Variants in NBPF20 observed in about 807,000 individuals in gnomAD.
NBPF20 encodes NBPF member 20.
NBPF20 carries 90 observed loss-of-function variants against 68.1 expected under a neutral mutation model. The ratio of observed to expected loss-of-function variants is 1.32; its 90% CI spans 1.11 to 1.58. The LOEUF is 1.58. NBPF20 is among the 40% of genes most tolerant of loss of function. NBPF20 has a pLI of 0.00. For missense variants in NBPF20, 816 were observed against 601.2 expected, an observed-to-expected ratio of 1.36 and a Z score of -3.74; for synonymous variants, 290 against 228.1, an observed-to-expected ratio of 1.27 and a Z score of -2.45.
chr1:145,403,069 T>C (rs1306934079), intron 3 of NBPF20, 147 bp downstream of exon 8: 6 of 894,292 alleles, frequency 6.7e-6, no homozygotes, highest in Non-Finnish European at 1.1e-5. Flanking sequence ...CTTCTCTGTT[T>C]GATAAATATT....
At chr1:145,393,671 G>C (rs1571360619) in intron 9 of NBPF20, 5 of 1,349,600 alleles carry the variant, frequency 3.7e-6, no homozygotes, top group Non-Finnish European at 5.0e-6. Flanking sequence ...TTTGAGTTAT[G>C]GTCAACTTTC....
chr1:145,400,176 G>C (rs1484061198), intron 6 of NBPF20, among the ~76,000 whole-genome samples: 1 of 152,212 alleles, frequency 6.6e-6, no homozygotes, highest in African/African-American at 2.4e-5. Context: ...CTATGAGATT[G>C]TCACACTTGC....
Position 145,392,790 on chromosome 1 carries a change from T to G in NBPF20, c.1216+284A>C, listed in dbSNP as rs1339237312. 6.5e-5 allele frequency among the ~76,000 whole-genome samples: 6 copies of G among 92,508 alleles called. 1 individual carries two copies. The highest frequency in any genetic ancestry group is 1.1e-4 in the Non-Finnish European group (6 of 52,346). The allele number at this position is 92,508 out of a possible 152,430, so 60.7% of individuals were successfully genotyped here. On this transcript the variant is annotated intron_variant, in intron 10 of 137. Coordinates refer to ENST00000369373, the Ensembl canonical transcript of NBPF20. ...CAAGATCTACAAAATTGAGACAAAA[T>G]CAGAGTTGTGTGAATTTGTCACATC... is the stretch of plus-strand genomic sequence containing the variant.
At chr1:145,409,768 T>A (rs1387934525), upstream of NBPF20, among the ~76,000 whole-genome samples, 33 of 151,866 alleles carry the variant, frequency 2.2e-4, no homozygotes, top group African/African-American at 7.5e-4. Context: ...ACTTATAGAT[T>A]AAAAGAAGTT....
chr1:145,405,773 A>C (rs1288612158), upstream of NBPF20: 1 of 386,966 alleles, frequency 2.6e-6, no homozygotes, highest in East Asian at 4.7e-5. Flanking sequence ...CAATACATCT[A>C]AGCATATTCC....
At chr1:145,292,260 T>C (rs1443200393) in intron 137 of NBPF20, 121 bp downstream of exon 142, 2 of 618,646 alleles carry the variant, frequency 3.2e-6, no homozygotes, top group East Asian at 5.4e-5. Flanking sequence ...CCAACAGCAA[T>C]GACAGTAGGA....
intron 43 of NBPF20, among the ~76,000 whole-genome samples, chr1:145,366,607 C>CAG (rs1296300955): frequency 4.7e-5 from 4 of 84,724 alleles, no homozygotes; most frequent in African/African-American, 5.3e-5. Flanking sequence ...CACACACACA[C>CAG]AGAGAGAACG....
At chr1:145,422,753 C>T in the NBPF20 span, among the ~76,000 whole-genome samples, 1 of 152,070 alleles carries the variant, frequency 6.6e-6, no homozygotes, top group African/African-American at 2.4e-5. Flanking sequence ...CTCTGGGAGG[C>T]TTAAGTGGGA....
exon 2 of NBPF20, chr1:145,405,133 A>T: frequency 6.2e-7 from 1 of 1,613,772 alleles, no homozygotes; most frequent in Non-Finnish European, 8.5e-7. Flanking sequence ...GAAGCCGGCC[A>T]GTTGAGTTAC....
the NBPF20 span, among the ~76,000 whole-genome samples, chr1:145,415,198 TATACAGAAACATCTCA>T: frequency 2.0e-5 from 3 of 151,592 alleles, no homozygotes; most frequent in African/African-American, 7.3e-5. Flanking sequence ...TTGATGTGCA[TATACAGAAACATCTCA>T]ATGCCTTAAA....
chr1:145,422,250 T>C, the NBPF20 span, among the ~76,000 whole-genome samples: 38 of 151,556 alleles, frequency 2.5e-4, no homozygotes, highest in African/African-American at 8.9e-4. Flanking sequence ...AAAAGATAAA[T>C]AAATAAAGAG....
At chr1:145,421,277 G>A in the NBPF20 span, among the ~76,000 whole-genome samples, 1 of 152,156 alleles carries the variant, frequency 6.6e-6, no homozygotes, top group African/African-American at 2.4e-5. Context: ...GGTCTATCTG[G>A]TCTATCTGTA....
intron 4 of NBPF20, among the ~76,000 whole-genome samples, chr1:145,401,758 C>G (rs1467911516): frequency 2.9e-3 from 329 of 113,290 alleles, no homozygotes; most frequent in East Asian, 0.011. Flanking sequence ...GACAATTTGT[C>G]TGCCACGGAG....
intron 6 of NBPF20, among the ~76,000 whole-genome samples, chr1:145,400,172 G>C (rs1203152330): frequency 6.6e-6 from 1 of 152,210 alleles, no homozygotes; most frequent in Non-Finnish European, 1.5e-5. Context: ...GTGACTATGA[G>C]ATTGTCACAC....
chr1:145,397,424 G>T (rs1487183635), intron 7 of NBPF20, among the ~76,000 whole-genome samples: 4 of 152,044 alleles, frequency 2.6e-5, no homozygotes, highest in Admixed American at 2.6e-4. Flanking sequence ...ATCCTCTCCA[G>T]CATCTTCAAC....
At chr1:145,413,391 T>A in the NBPF20 span, among the ~76,000 whole-genome samples, 1 of 150,914 alleles carries the variant, frequency 6.6e-6, no homozygotes, top group Non-Finnish European at 1.5e-5. Context: ...TTATTCATAA[T>A]AGGAAAAACT....
At chr1:145,393,699 T>G (rs1299624217) in intron 9 of NBPF20, 185 bp downstream of exon 14, 106 of 1,454,920 alleles carry the variant, frequency 7.3e-5, no homozygotes, top group Middle Eastern at 2.4e-4. Context: ...TAGTAAATGA[T>G]AAGGGTAGGA....
rs1203415255 is a variant in NBPF20, at chr1:145,290,235, G to A, written c.*1291C>T. The A allele has an allele frequency of 1.3e-5, 2 of 148,534 alleles. 1 individual carries two copies. The highest frequency in any genetic ancestry group is 5.2e-5 in the African/African-American group (2 of 38,218). The allele number at this position is 148,534 out of a possible 1,614,324, so 9.2% of individuals were successfully genotyped here. On this transcript the variant is annotated 3_prime_UTR_variant, in exon 138 of 138. Transcript: ENST00000369373. ...TTTAGAGGATGATCATTAGAATACA[G>A]GATATTTATACTCTTGAAAACCGCT...
At chr1:145,398,260 C>T (rs1662355815) in intron 7 of NBPF20, among the ~76,000 whole-genome samples, 1 of 151,614 alleles carries the variant, frequency 6.6e-6, no homozygotes, top group Admixed American at 6.6e-5. Flanking sequence ...CTCTCCACCC[C>T]AAATCCACAG....
Sources: gnomAD v4.1 joint callset for allele counts (sites outside exome capture counted in the v4.1 genomes callset) on GRCh38, gnomAD v4.1.1 for gene constraint, MANE v1.5 for transcripts, NCBI Gene and HGNC (gene_info 2026-07-23, HGNC 2026-07-21) for gene names.